TUBA1B: variants seen among roughly 807,000 people sequenced by gnomAD.
TUBA1B encodes the protein tubulin alpha 1b.
In TUBA1B, 1 loss-of-function variant was observed where a neutral mutation model predicts 34.4. The observed-to-expected ratio is 0.03, with a 90% CI of 0.01 to 0.14. The LOEUF (loss-of-function observed/expected upper bound fraction) is 0.14. TUBA1B is among the 10% of genes least tolerant of loss of function. The probability of loss-of-function intolerance (pLI) is 1.00; values close to 1 mark genes in which losing one functional copy is unlikely to be tolerated. For missense variants in TUBA1B, 54 were observed against 583.6 expected (o/e 0.09, Z 9.35); for synonymous variants, 197 against 212.5 (o/e 0.93, Z 0.64).
intron 2 of TUBA1B, 30 bp from the exon 3 acceptor site, chr12:49,129,420 T>C (rs745435765): frequency 6.2e-7 from 1 of 1,613,396 alleles, no homozygotes. Flanking sequence ...ACGGAGGGAG[T>C]GAGTGAGTGA....
intron 1 of TUBA1B, chr12:49,130,342 G>C (rs1941788241): frequency 1.6e-6 from 2 of 1,289,110 alleles, no homozygotes; most frequent in African/African-American, 3.0e-5. Flanking sequence ...AAGGGGCGGG[G>C]CTCTGCGGCA....
chr12:49,129,366 C>T lies in TUBA1B; in HGVS notation c.251G>A (p.Arg84His). ...GAGCTGCTCAGGGTGGAAGAGCTGG[C>T]GGTAGGTGCCAGTGCGAACTTCATC... ...VIDEVRTGTY[R>H]QLFHPEQLIT... The change falls in exon 3 of 4, where the codon CGC becomes CAC. Residue 84 changes from arginine to histidine, a missense_variant. Around this residue, in one of 3 missense-constraint regions of TUBA1B, gnomAD observed 28 missense variants for 203.8 expected, o/e 0.14. Coordinates refer to ENST00000336023, the MANE Select transcript of TUBA1B (RefSeq NM_006082.3). 2 of 1,614,104 alleles carry T rather than the reference C, an allele frequency of 1.2e-6. No individual in the cohort carries two copies. The highest frequency in any genetic ancestry group is 1.1e-5 in the South Asian group (1 of 91,074).
intron 1 of TUBA1B, chr12:49,130,342 G>A: frequency 7.8e-7 from 1 of 1,289,228 alleles, no homozygotes; most frequent in African/African-American, 1.5e-5. Flanking sequence ...AAGGGGCGGG[G>A]CTCTGCGGCA....
In TUBA1B at chr12:49,128,312, G is replaced by A. The variant is rs1323872895; in HGVS notation, c.1002C>T (p.Thr334=). 6.2e-7 allele frequency: 1 copy of A among 1,614,152 alleles called. No homozygotes were observed. Among genetic ancestry groups the A allele is most frequent in the African/African-American group, 1.3e-5 (1 of 75,048 alleles). ...ACTGGATGCTGCGCTTGGTTTTGAT[G>A]GTGGCAATGGCAGCATTGACATCTT... ...VPKDVNAAIA[T]IKTKRSIQFV... is the part of the protein sequence containing the mutation. The change falls in exon 4 of 4, where the codon ACC becomes ACT. Residue 334 remains threonine (T), a synonymous_variant. Coordinates refer to ENST00000336023, the MANE Select transcript of TUBA1B (RefSeq NM_006082.3). The surrounding 1 kb of genome is among the most constrained non-coding windows in gnomAD (Gnocchi z 8.1).
intron 1 of TUBA1B, 155 bp from the exon 2 acceptor site, chr12:49,129,877 C>T (rs1055253191): frequency 4.6e-6 from 6 of 1,298,348 alleles, no homozygotes; most frequent in Non-Finnish European, 5.2e-6. Context: ...GCAGCCTAGG[C>T]TCCAGTCATC....
intron 1 of TUBA1B, chr12:49,131,058 C>G (rs1592246957): frequency 2.0e-6 from 1 of 505,300 alleles, no homozygotes. Flanking sequence ...CAGCCCGAGC[C>G]CCCCATCCCT....
chr12:49,130,373 G>C (rs777466903), intron 1 of TUBA1B: 11 of 1,288,502 alleles, frequency 8.5e-6, no homozygotes, highest in Non-Finnish European at 1.1e-5. Context: ...GAGCAATTCC[G>C]GGCGCGCGCT....
Position 49,128,207 on chromosome 12 carries a change from G to C in TUBA1B, c.1107C>G (p.Ala369=). The C allele has an allele frequency of 6.2e-7, 1 of 1,614,160 alleles. No individual in the cohort carries two copies. The highest frequency in any genetic ancestry group is 8.5e-7 in the Non-Finnish European group (1 of 1,180,040). The stretch of plus-strand genomic sequence containing the variant: ...GCATGCACACAGCTCTCTGTACCTT[G>C]GCCAGGTCTCCACCAGGCACCACAG... ...PPTVVPGGDL[A]KVQRAVCMLS... is the part of the protein sequence containing the mutation. Residue 369 remains alanine, a synonymous_variant, in exon 4 of 4, where the codon GCC becomes GCG. Transcript: ENST00000336023. This position sits in a 1 kb window ranked among gnomAD's most constrained non-coding sequence, Gnocchi z 8.1.
chr12:49,129,047 G>A (rs759388935), intron 3 of TUBA1B, 109 bp from the exon 4 acceptor site: 3 of 1,517,738 alleles, frequency 2.0e-6, no homozygotes, highest in African/African-American at 1.4e-5. Context: ...GTAAGCACAA[G>A]GAATTGGCAA....
intron 1 of TUBA1B, 118 bp downstream of exon 1, chr12:49,131,180 C>G (rs1029061163): frequency 7.4e-7 from 1 of 1,356,002 alleles, no homozygotes; most frequent in South Asian, 1.3e-5. Flanking sequence ...GTTTTCCGCC[C>G]TCCAAACGGA....
chr12:49,131,155 C>T, intron 1 of TUBA1B, 143 bp downstream of exon 1: 1 of 1,069,336 alleles, frequency 9.4e-7, no homozygotes, highest in South Asian at 1.5e-5. Flanking sequence ...CACTCCCGCC[C>T]TGGCCTCTCG....
chr12:49,127,812 T>C lies in TUBA1B; in HGVS notation c.*146A>G, dbSNP rs1399087536. 1.9e-5 allele frequency: 24 copies of C among 1,294,864 alleles called. No individual in the cohort carries two copies. Among genetic ancestry groups the C allele is most frequent in the East Asian group, 2.4e-5 (1 of 41,924 alleles). 80.2% of individuals were successfully genotyped at this position (1,294,864 alleles called of 1,614,324 possible). On this transcript the variant is annotated 3_prime_UTR_variant, in exon 4 of 4. Transcript: ENST00000336023. ...ATGTTAATGACTTTACTTTGAGATATGATGGAAAAATATTACAGGTACACA... is the reference window on the plus strand; with the variant it reads ...ATGTTAATGACTTTACTTTGAGATACGATGGAAAAATATTACAGGTACACA...
At chr12:49,131,212 C>G (rs1254402706) in intron 1 of TUBA1B, 86 bp downstream of exon 1, 9 of 1,524,112 alleles carry the variant, frequency 5.9e-6, no homozygotes, top group Middle Eastern at 3.6e-4. Flanking sequence ...CCAGCCCTTC[C>G]CGGCTGTATA....
intron 1 of TUBA1B, chr12:49,130,024 T>G (rs952462690): frequency 6.1e-6 from 7 of 1,154,746 alleles, no homozygotes; most frequent in Non-Finnish European, 8.0e-6. Context: ...CGAATTTCCT[T>G]TTCTAAAGCG....
At chr12:49,129,784 C>T (rs1941780312) in intron 1 of TUBA1B, 62 bp from the exon 2 acceptor site, 1 of 1,608,956 alleles carries the variant, frequency 6.2e-7, no homozygotes, top group African/African-American at 1.3e-5. Flanking sequence ...TCAAGTGGAA[C>T]AAAATACTCA....
Position 49,127,890 on chromosome 12 carries a change from T to C in TUBA1B, c.*68A>G, listed in dbSNP as rs1941764185. The C allele has an allele frequency of 6.2e-7, 1 of 1,609,554 alleles. No homozygotes were observed. The highest frequency in any genetic ancestry group is 1.7e-5 in the Admixed American group (1 of 59,832). On this transcript the variant is annotated 3_prime_UTR_variant, in exon 4 of 4. Transcript: ENST00000336023. ...ACAATCTAACCAGAAAGCTTTAACG[T>C]CTGTCAGTTAAGCTGAAGCTGAAAT...
intron 1 of TUBA1B, chr12:49,131,034 G>C (rs1171744629): frequency 4.4e-6 from 2 of 457,412 alleles, no homozygotes; most frequent in African/African-American, 2.0e-5. Context: ...GAGAGCTCCG[G>C]ATACGGCGGA....
chr12:49,131,110 CG>C (rs1941802123), intron 1 of TUBA1B, 187 bp downstream of exon 1: 1 of 620,686 alleles, frequency 1.6e-6, no homozygotes, highest in African/African-American at 1.9e-5. Flanking sequence ...TCGACCTTTC[CG>C]GGCCCCCGCT....
chr12:49,128,988 T>G lies in TUBA1B; in HGVS notation c.376-50A>C. The G allele has an allele frequency of 6.5e-7, 1 of 1,549,792 alleles. No individual in the cohort carries two copies. The highest frequency in any genetic ancestry group is 8.7e-7 in the Non-Finnish European group (1 of 1,153,446). ...TATTTTAATGCCAGGACACATTATC[T>G]TAGAATTTCTATTTCAACTTTTTAG... On this transcript the variant is annotated intron_variant, in intron 3 of 3. Coordinates refer to ENST00000336023, the MANE Select transcript of TUBA1B (RefSeq NM_006082.3). The surrounding 1 kb of genome is among the most constrained non-coding windows in gnomAD (Gnocchi z 8.1).
Sources: gnomAD v4.1 joint callset for allele counts on GRCh38, gnomAD v4.1.1 for gene constraint, gnomAD v4.1.1 regional missense constraint, Gnocchi (gnomAD v3.1) non-coding constraint, MANE v1.5 for transcripts, NCBI Gene and HGNC (gene_info 2026-07-23, HGNC 2026-07-21) for gene names.